The following RAD51B variants were observed in gnomAD, a reference collection of about 807,000 sequenced individuals.
RAD51B encodes DNA repair protein RAD51 homolog 2.
In RAD51B, 38 loss-of-function variants were observed where a neutral mutation model predicts 42.2. The observed-to-expected ratio is 0.90, with a 90% CI of 0.70 to 1.18. The LOEUF (loss-of-function observed/expected upper bound fraction) is 1.18. Ranked by LOEUF, RAD51B falls within the 50% of genes most tolerant of loss-of-function variation. RAD51B has a pLI of 0.00. For synonymous variants in RAD51B, 154 were observed against 145.2 expected, an observed-to-expected ratio of 1.06 and a Z score of -0.43; for missense variants, 373 against 400.7, an observed-to-expected ratio of 0.93 and a Z score of 0.59.
chr14:68,675,285 T>C (rs189740059), intron 11 of RAD51B, among the ~76,000 whole-genome samples: 22 of 152,304 alleles, frequency 1.4e-4, no homozygotes, highest in African/African-American at 4.1e-4. Flanking sequence ...TTCTGAGACA[T>C]AGTTTGAGGA....
At position 68,062,832 on chromosome 14, in the gene RAD51B, GA is replaced by G. The variant is rs1279926030; in HGVS notation, c.756+175640del. Among the ~76,000 whole-genome samples the G allele has an allele frequency of 5.2e-3, 645 of 124,250 alleles. 2 individuals are homozygous for G. Among genetic ancestry groups the G allele is most frequent in the Middle Eastern group, 0.017 (4 of 238 alleles). 81.5% of individuals were successfully genotyped at this position (124,250 alleles called of 152,430 possible). A position where few individuals can be genotyped will look rare whatever the true frequency, so the allele number is the denominator to read the frequency against. On this transcript the variant is annotated intron_variant, in intron 7 of 10. Transcript: ENST00000471583. ...TCTGTGACAAAAAAAAAAAAAAAAAGAAAAAAAAAAAAGAATTCAGCCTTGA... is the reference window on the plus strand; with the variant it reads ...TCTGTGACAAAAAAAAAAAAAAAAAGAAAAAAAAAAAGAATTCAGCCTTGA...
intron 10 of RAD51B, among the ~76,000 whole-genome samples, chr14:68,507,987 G>A (rs1447675330): frequency 6.6e-6 from 1 of 152,188 alleles, no homozygotes; most frequent in South Asian, 2.1e-4. Context: ...GAAGCAGAGG[G>A]TGCCAGGGGA....
intron 7 of RAD51B, among the ~76,000 whole-genome samples, chr14:67,927,038 T>G (rs958744140): frequency 6.6e-6 from 1 of 152,226 alleles, no homozygotes; most frequent in Non-Finnish European, 1.5e-5. Flanking sequence ...TTATTTCCTA[T>G]GAGTCATCCC....
chr14:68,570,779 G>T (rs887156608), intron 10 of RAD51B, among the ~76,000 whole-genome samples: 1 of 152,106 alleles, frequency 6.6e-6, no homozygotes, highest in African/African-American at 2.4e-5. Context: ...TAATATGTGC[G>T]TATATGAAAC....
At chr14:68,441,179 C>A (rs887467056) in intron 9 of RAD51B, among the ~76,000 whole-genome samples, 2 of 152,094 alleles carry the variant, frequency 1.3e-5, no homozygotes, top group African/African-American at 4.8e-5. Context: ...TACAAGGGAG[C>A]CTATGAAGTG....
At chr14:68,518,826 C>T (rs1470757955) in intron 10 of RAD51B, among the ~76,000 whole-genome samples, 1 of 152,168 alleles carries the variant, frequency 6.6e-6, no homozygotes, top group Non-Finnish European at 1.5e-5. Flanking sequence ...TGGCTTGGAA[C>T]CCCTCAAGGT....
At chr14:68,195,970 G>A (rs1195969770) in intron 7 of RAD51B, among the ~76,000 whole-genome samples, 1 of 149,042 alleles carries the variant, frequency 6.7e-6, no homozygotes, top group Non-Finnish European at 1.5e-5. Context: ...TGTAATCCCA[G>A]CACTTTGGGT....
rs1295285253 is a variant in RAD51B at position 68,465,081 on chromosome 14, G to C, written c.958-3091G>C. Among the ~76,000 whole-genome samples, 4 of 152,016 alleles carry C rather than the reference G, an allele frequency of 2.6e-5. No individual in the cohort carries two copies. In the East Asian group the frequency reaches 7.7e-4, roughly 29 times the overall value. ...TTGAAATATTACATTCTTTTTTTCT[G>C]GGTCTCAGTTTCTGCAGTGCATAAA... On this transcript the variant is annotated intron_variant, in intron 9 of 10. Coordinates refer to ENST00000471583, the MANE Select transcript of RAD51B (RefSeq NM_133510.4).
At chr14:68,070,121 T>A (rs995179462) in intron 7 of RAD51B, among the ~76,000 whole-genome samples, 1 of 152,156 alleles carries the variant, frequency 6.6e-6, no homozygotes, top group African/African-American at 2.4e-5. Flanking sequence ...GCCCGTTTTT[T>A]AATGAAGTTT....
chr14:68,081,330 C>T (rs753962963), intron 7 of RAD51B, among the ~76,000 whole-genome samples: 3 of 152,158 alleles, frequency 2.0e-5, no homozygotes, highest in East Asian at 1.9e-4. Context: ...GCCTCCTCCT[C>T]GCATGTGCAA....
intron 4 of RAD51B, among the ~76,000 whole-genome samples, chr14:67,863,107 C>T (rs2042214508): frequency 6.8e-6 from 1 of 148,066 alleles, no homozygotes; most frequent in Middle Eastern, 3.3e-3. Flanking sequence ...TCTAAATGAT[C>T]ATTGTAAAGA....
At chr14:67,901,540 C>G (rs2043612538) in intron 7 of RAD51B, among the ~76,000 whole-genome samples, 1 of 152,148 alleles carries the variant, frequency 6.6e-6, no homozygotes, top group Non-Finnish European at 1.5e-5. Flanking sequence ...CAATAGACCT[C>G]TCCTTATGCT....
At chr14:68,295,182 T>C (rs537056209) in intron 8 of RAD51B, among the ~76,000 whole-genome samples, 6 of 152,324 alleles carry the variant, frequency 3.9e-5, no homozygotes, top group Middle Eastern at 6.8e-3. Context: ...GGAAAGTCCT[T>C]GGCCCTTGGG....
rs554395129 is a variant in RAD51B, at chr14:68,126,582, T to C, written c.757-165302T>C. ...TGCTGCTGAGCTGGAGAAGAGACTG[T>C]GCAGTGACTTACTTGACAGCAGAGG... On this transcript the variant is annotated intron_variant, in intron 7 of 10. Transcript: ENST00000471583. Among the ~76,000 whole-genome samples the C allele has an allele frequency of 3.3e-5, 5 of 152,328 alleles. No homozygotes were observed. In the South Asian group the frequency reaches 6.2e-4, roughly 19 times the overall value.
chr14:68,514,483 A>G (rs975274590), intron 10 of RAD51B, among the ~76,000 whole-genome samples: 1 of 152,222 alleles, frequency 6.6e-6, no homozygotes, highest in East Asian at 1.9e-4. Context: ...ACGCTCTGAA[A>G]GACATCATGC....
intron 7 of RAD51B, among the ~76,000 whole-genome samples, chr14:68,026,883 T>C (rs2075965125): frequency 6.6e-6 from 1 of 152,156 alleles, no homozygotes; most frequent in Non-Finnish European, 1.5e-5. Context: ...CCTGTCATCA[T>C]ATTGTTGCCT....
intron 10 of RAD51B, among the ~76,000 whole-genome samples, chr14:68,590,149 T>C (rs1178499470): frequency 6.6e-6 from 1 of 152,216 alleles, no homozygotes; most frequent in Non-Finnish European, 1.5e-5. Flanking sequence ...CAAAAACTAG[T>C]GCTGGCCTCG....
At chr14:68,472,771 A>G (rs2086158445) in intron 10 of RAD51B, among the ~76,000 whole-genome samples, 2 of 152,196 alleles carry the variant, frequency 1.3e-5, no homozygotes, top group Admixed American at 6.5e-5. Context: ...TGGAGATGAA[A>G]TTAGTTTCCC....
chr14:68,243,058 A>G (rs1481554207), intron 7 of RAD51B, among the ~76,000 whole-genome samples: 1 of 152,196 alleles, frequency 6.6e-6, no homozygotes, highest in East Asian at 1.9e-4. Flanking sequence ...TAATACCATA[A>G]GTAGTGTGTG....
Sources: allele counts gnomAD v4.1 joint callset (sites outside exome capture counted in the v4.1 genomes callset), GRCh38; gene constraint gnomAD v4.1.1; transcripts MANE v1.5; gene names NCBI Gene and HGNC (gene_info 2026-07-23, HGNC 2026-07-21).